SORCS3: variants seen among roughly 807,000 people sequenced by gnomAD.
SORCS3 encodes sortilin related VPS10 domain containing receptor 3.
Under a neutral mutation model 146.3 loss-of-function variants are expected in SORCS3, and 57 were observed. The ratio of observed to expected loss-of-function variants is 0.39; its 90% confidence interval spans 0.31 to 0.49. The LOEUF (loss-of-function observed/expected upper bound fraction) is 0.49. Ranked by LOEUF, SORCS3 falls within the 20% of genes least tolerant of loss-of-function variation. SORCS3 has a pLI of 0.92. For missense variants in SORCS3, 1,341 were observed against 1,575.5 expected (o/e 0.85, Z 2.52); for synonymous variants, 653 against 618.5 (o/e 1.06, Z -0.83).
chr10:104,659,113 A>G (rs1253569761), intron 1 of SORCS3, among the ~76,000 whole-genome samples: 2 of 152,058 alleles, frequency 1.3e-5, no homozygotes, highest in Non-Finnish European at 2.9e-5. Flanking sequence ...AGTTGCTCAT[A>G]CTCATGTTGT....
At chr10:104,825,019 A>G (rs1486831463) in intron 1 of SORCS3, among the ~76,000 whole-genome samples, 4 of 152,234 alleles carry the variant, frequency 2.6e-5, no homozygotes, top group Non-Finnish European at 2.9e-5. Context: ...GCGTGTCCAC[A>G]CAAAGCAAGC....
At chr10:104,712,546 G>A (rs1310791574) in intron 1 of SORCS3, among the ~76,000 whole-genome samples, 2 of 152,224 alleles carry the variant, frequency 1.3e-5, no homozygotes, top group African/African-American at 4.8e-5. Flanking sequence ...AGGCTGAGGA[G>A]GGATAGGATT....
intron 1 of SORCS3, among the ~76,000 whole-genome samples, chr10:104,683,929 A>G (rs1207377751): frequency 6.6e-6 from 1 of 152,210 alleles, no homozygotes; most frequent in Non-Finnish European, 1.5e-5. Context: ...TAACCATCTC[A>G]GAGGAGAGCC....
intron 2 of SORCS3, among the ~76,000 whole-genome samples, chr10:104,912,876 C>T (rs1405065718): frequency 6.6e-6 from 1 of 151,890 alleles, no homozygotes; most frequent in African/African-American, 2.4e-5. Context: ...TGTGATTAAT[C>T]CCCCCCGGGA....
intron 16 of SORCS3, among the ~76,000 whole-genome samples, chr10:105,202,375 G>A (rs1228068176): frequency 6.6e-6 from 1 of 151,854 alleles, no homozygotes; most frequent in East Asian, 1.9e-4. Flanking sequence ...ATTAATCCTG[G>A]CTCATTCCTA....
intron 1 of SORCS3, among the ~76,000 whole-genome samples, chr10:104,714,752 GT>G (rs1256324509): frequency 1.3e-5 from 2 of 152,166 alleles, no homozygotes; most frequent in Non-Finnish European, 2.9e-5. Flanking sequence ...AGATTTTGGA[GT>G]TTCATGCCAG....
At chr10:104,655,060 C>T (rs1455508586) in intron 1 of SORCS3, among the ~76,000 whole-genome samples, 1 of 152,088 alleles carries the variant, frequency 6.6e-6, no homozygotes. Flanking sequence ...TGAGACCAGC[C>T]TGGCCAACAT....
At chr10:105,243,514 C>T (rs2056848760) in intron 20 of SORCS3, among the ~76,000 whole-genome samples, 1 of 152,120 alleles carries the variant, frequency 6.6e-6, no homozygotes, top group Non-Finnish European at 1.5e-5. Flanking sequence ...ACTATTGACC[C>T]TTTGGATTTT....
chr10:105,244,921 T>G (rs959321472), intron 20 of SORCS3, among the ~76,000 whole-genome samples: 9 of 151,874 alleles, frequency 5.9e-5, no homozygotes, highest in African/African-American at 2.2e-4. Flanking sequence ...TATAAAAAAT[T>G]AGCTGAGTGT....
chr10:104,873,370 C>T (rs1323583478), intron 2 of SORCS3, among the ~76,000 whole-genome samples: 2 of 152,174 alleles, frequency 1.3e-5, no homozygotes, highest in Non-Finnish European at 2.9e-5. Context: ...GACCAAAGTG[C>T]TCCTCTTGGA....
chr10:105,089,806 C>T lies in SORCS3; in HGVS notation c.1060C>T (p.Leu354=). 1.2e-6 allele frequency: 2 copies of T among 1,614,134 alleles called. No homozygotes were observed. Among genetic ancestry groups the T allele is most frequent in the Non-Finnish European group, 1.7e-6 (2 of 1,179,986 alleles). ...GGCCGGATTGGATAAGGAGGCGGAC[C>T]TGGTGCACATGGAGGTGCGGACCAC... ...SVAGLDKEAD[L]VHMEVRTTDG... is the part of the protein sequence containing the mutation. Residue 354 remains leucine, a synonymous_variant, in exon 6 of 27, where the codon CTG becomes TTG. Coordinates refer to ENST00000369701, the MANE Select transcript of SORCS3 (RefSeq NM_014978.3).
At chr10:104,711,097 T>C (rs2016410368) in intron 1 of SORCS3, among the ~76,000 whole-genome samples, 1 of 152,238 alleles carries the variant, frequency 6.6e-6, no homozygotes, top group South Asian at 2.1e-4. Flanking sequence ...TTTATTTTTA[T>C]TGAACAAATC....
rs748223214 is a variant in SORCS3 at position 104,977,335 on chromosome 10, A to G, written c.796A>G (p.Ile266Val). Residue 266 changes from isoleucine (I) to valine (V), a missense_variant and splice_region_variant, in exon 4 of 27, where the codon ATT (isoleucine) becomes GTT (valine). Coordinates refer to ENST00000369701, the MANE Select transcript of SORCS3 (RefSeq NM_014978.3). ...LYVNPTNKRK[I>V]MLLSDPEMES... ...ATATGTCCCTCTATCCTTTCTTTAG[A>G]TTATGCTTCTCAGTGATCCTGAGAT... 6.2e-7 allele frequency: 1 copy of G among 1,610,152 alleles called. No homozygotes were observed. The highest frequency in any genetic ancestry group is 1.3e-5 in the African/African-American group (1 of 74,824).
intron 2 of SORCS3, among the ~76,000 whole-genome samples, chr10:104,866,678 C>T (rs914177132): frequency 3.9e-5 from 6 of 152,182 alleles, no homozygotes; most frequent in Admixed American, 1.3e-4. Context: ...TTAAGTGTCT[C>T]TTATTTGTAA....
chr10:104,952,824 G>T (rs2019446903), intron 3 of SORCS3, among the ~76,000 whole-genome samples: 1 of 152,180 alleles, frequency 6.6e-6, no homozygotes, highest in Admixed American at 6.5e-5. Flanking sequence ...TAACAGGAAT[G>T]GGAATTGTTG....
intron 3 of SORCS3, among the ~76,000 whole-genome samples, chr10:104,952,254 T>TTAA (rs1258975561): frequency 2.6e-5 from 1 of 38,220 alleles, no homozygotes; most frequent in Non-Finnish European, 5.6e-5. Flanking sequence ...CATGAATGTT[T>TTAA]GAAAAAAAAA....
chr10:104,915,897 A>G lies in SORCS3; in HGVS notation c.760A>G (p.Ser254Gly), dbSNP rs2019022077. The G allele has an allele frequency of 6.2e-7, 1 of 1,614,074 alleles. No individual in the cohort carries two copies. Among genetic ancestry groups the G allele is most frequent in the Non-Finnish European group, 8.5e-7 (1 of 1,179,968 alleles). ...CAAAGTGGGTTTGAAGACTGTCCTC[A>G]GTTACCTCTATGTCAATCCAACCAA... ...NDKVGLKTVLSYLYVNPTNKR... is the reference protein window; with the variant it reads ...NDKVGLKTVLGYLYVNPTNKR... Residue 254 changes from serine to glycine, a missense_variant, in exon 3 of 27, where the codon AGT becomes GGT. Physicochemically the swap from Ser to Gly is moderately conservative, Grantham distance 56 (BLOSUM62 0). Transcript: ENST00000369701.
chr10:104,730,634 A>C (rs1159804884), intron 1 of SORCS3, among the ~76,000 whole-genome samples: 1 of 152,234 alleles, frequency 6.6e-6, no homozygotes, highest in Non-Finnish European at 1.5e-5. Context: ...GCTATGAAGA[A>C]ATACCCAAGA....
At chr10:104,833,936 C>T (rs765093787) in intron 1 of SORCS3, among the ~76,000 whole-genome samples, 5 of 152,198 alleles carry the variant, frequency 3.3e-5, no homozygotes, top group African/African-American at 7.2e-5. Context: ...TCACAGTCCT[C>T]GTCTCATAAG....
Sources: allele counts gnomAD v4.1 joint callset (sites outside exome capture counted in the v4.1 genomes callset), GRCh38; gene constraint gnomAD v4.1.1; transcripts MANE v1.5; gene names NCBI Gene and HGNC (gene_info 2026-07-23, HGNC 2026-07-21).